Variants in MTSS1 observed in about 807,000 individuals in gnomAD.
The protein encoded by MTSS1 is protein MTSS 1.
In MTSS1, 18 loss-of-function variants were observed where a neutral mutation model predicts 79.0. The ratio of observed to expected loss-of-function variants is 0.23; its 90% CI spans 0.16 to 0.34. The LOEUF (loss-of-function observed/expected upper bound fraction) is 0.34, where lower values mean the gene tolerates loss of function less well. Ranked by LOEUF, MTSS1 falls within the 10% of genes least tolerant of loss-of-function variation. The probability of loss-of-function intolerance (pLI) is 1.00; values close to 1 mark genes in which losing one functional copy is unlikely to be tolerated. For missense variants in MTSS1, 815 were observed against 986.2 expected, an observed-to-expected ratio of 0.83 and a Z score of 2.33; for synonymous variants, 341 against 368.6, an observed-to-expected ratio of 0.93 and a Z score of 0.86.
intron 3 of MTSS1, among the ~76,000 whole-genome samples, chr8:124,622,568 G>T (rs747030273): frequency 6.6e-6 from 1 of 151,796 alleles, no homozygotes; most frequent in Non-Finnish European, 1.5e-5. Context: ...GCCAAGGCAG[G>T]CGGATCACTT....
rs1485244425 is a variant in MTSS1, at chr8:124,597,305, A to G, written c.209-6070T>C. On this transcript the variant is annotated intron_variant, in intron 3 of 13. Coordinates refer to ENST00000518547, the MANE Select transcript of MTSS1 (RefSeq NM_014751.6). The surrounding 1 kb of genome is among the most constrained non-coding windows in gnomAD (Gnocchi z 4.6). ...GGGCCACATTGCTGGTCAGCAGTAG[A>G]GCCAAAATCCAAGCCTGCTTCTACG... Among the ~76,000 whole-genome samples, 1 of 152,204 alleles carries G rather than the reference A, an allele frequency of 6.6e-6. No homozygotes were observed. Among genetic ancestry groups the G allele is most frequent in the Non-Finnish European group, 1.5e-5 (1 of 68,042 alleles).
At chr8:124,688,035 G>T (rs1166750654) in intron 3 of MTSS1, among the ~76,000 whole-genome samples, 1 of 152,138 alleles carries the variant, frequency 6.6e-6, no homozygotes, top group East Asian at 1.9e-4. Flanking sequence ...GGTAACCGAG[G>T]TCCCTGGGCC....
intron 1 of MTSS1, among the ~76,000 whole-genome samples, chr8:124,726,723 G>A (rs1003651139): frequency 6.6e-6 from 1 of 152,108 alleles, no homozygotes; most frequent in African/African-American, 2.4e-5. Context: ...CAGGCGCCCA[G>A]GCAGCGGCTG....
chr8:124,607,703 T>C (rs79769223), intron 3 of MTSS1, among the ~76,000 whole-genome samples: 3,304 of 152,056 alleles, frequency 0.022, 171 homozygotes, highest in East Asian at 0.14. Flanking sequence ...CCAAATCGAG[T>C]CTCAGGTCAA....
intron 3 of MTSS1, among the ~76,000 whole-genome samples, chr8:124,607,294 G>A (rs532983040): frequency 1.3e-5 from 2 of 152,314 alleles, no homozygotes; most frequent in South Asian, 4.1e-4. Flanking sequence ...AGGGATACAG[G>A]CCAGGGACAG....
intron 3 of MTSS1, among the ~76,000 whole-genome samples, chr8:124,603,914 A>G (rs1169738877): frequency 6.6e-6 from 1 of 152,182 alleles, no homozygotes; most frequent in East Asian, 1.9e-4. Context: ...ACATGGAAGA[A>G]TTGTCTTGGG....
intron 6 of MTSS1, among the ~76,000 whole-genome samples, chr8:124,573,289 T>C (rs369275895): frequency 1.4e-4 from 22 of 152,224 alleles, no homozygotes; most frequent in African/African-American, 5.1e-4. Flanking sequence ...CCTAACACCT[T>C]TTATCCTACA....
chr8:124,707,018 A>G (rs1266493533), intron 1 of MTSS1, among the ~76,000 whole-genome samples: 2 of 151,818 alleles, frequency 1.3e-5, no homozygotes, highest in African/African-American at 4.8e-5. Context: ...ACCAACCAAT[A>G]GCAGCTTCGT....
At chr8:124,624,219 T>C (rs1269844697) in intron 3 of MTSS1, among the ~76,000 whole-genome samples, 2 of 152,160 alleles carry the variant, frequency 1.3e-5, no homozygotes, top group Non-Finnish European at 2.9e-5. Flanking sequence ...TGGACCATAG[T>C]CTGGAGGAGA....
At position 124,565,369 on chromosome 8, in the gene MTSS1, A is replaced by T. The variant is rs538588572; in HGVS notation, c.824+293T>A. On this transcript the variant is annotated intron_variant, in intron 9 of 13. Transcript: ENST00000518547. ...GGCCTTAGAAGGTTTTCACTCTGCT[A>T]AACAGGAAAATCAAATGTGATCTCA... Among the ~76,000 whole-genome samples the T allele has an allele frequency of 3.3e-5, 5 of 152,352 alleles. No individual in the cohort carries two copies. The South Asian group carries it at 6.2e-4, about 19-fold the overall frequency.
In MTSS1 at chr8:124,568,284, A is replaced by C. The variant is rs934362642; in HGVS notation, c.618+95T>G. ...TACCACCATCATGATTCCTGACAGT[A>C]GATTCTCCATGACTCAACAGTGGAT... On this transcript the variant is annotated intron_variant, in intron 7 of 13. Coordinates refer to ENST00000518547, the MANE Select transcript of MTSS1 (RefSeq NM_014751.6). 2.1e-6 allele frequency: 3 copies of C among 1,398,266 alleles called. No homozygotes were observed. The African/African-American group carries it at 4.3e-5, about 20-fold the overall frequency. The allele number at this position is 1,398,266 out of a possible 1,614,324, so 86.6% of individuals were successfully genotyped here.
chr8:124,666,800 T>C lies in MTSS1; in HGVS notation c.208+32726A>G, dbSNP rs79050132. On this transcript the variant is annotated intron_variant, in intron 3 of 13. Coordinates refer to ENST00000518547, the MANE Select transcript of MTSS1 (RefSeq NM_014751.6). ...ACCAGTTGGCAGATAGTGAGCTTTA[T>C]CATGTGACCATTAATGGGGGTCCTG... Among the ~76,000 whole-genome samples the C allele has an allele frequency of 7.6e-4, 116 of 152,236 alleles. 5 individuals carry two copies. In the East Asian group the frequency reaches 0.019, roughly 25 times the overall value.
At chr8:124,648,245 G>T (rs1819330158) in intron 3 of MTSS1, among the ~76,000 whole-genome samples, 1 of 152,156 alleles carries the variant, frequency 6.6e-6, no homozygotes, top group Non-Finnish European at 1.5e-5. Context: ...GAGTGATCCG[G>T]TGAAAGGGTT....
chr8:124,670,816 A>G (rs1018505575), intron 3 of MTSS1, among the ~76,000 whole-genome samples: 2 of 152,184 alleles, frequency 1.3e-5, no homozygotes, highest in Non-Finnish European at 2.9e-5. Flanking sequence ...GAGACCGCAG[A>G]TTAAAAGAGG....
Position 124,555,733 on chromosome 8 carries a change from G to A in MTSS1, c.1567+9C>T, listed in dbSNP as rs1823528036. ...AAAGCCTAAGTGCACACCCCAGGCT[G>A]CCTCGTACCTTGGGAAGGGATGGTG... On this transcript the variant is annotated intron_variant, in intron 13 of 13. Transcript: ENST00000518547. The A allele has an allele frequency of 6.2e-7, 1 of 1,601,020 alleles. No individual in the cohort carries two copies. Among genetic ancestry groups the A allele is most frequent in the Non-Finnish European group, 8.5e-7 (1 of 1,173,652 alleles).
chr8:124,612,406 C>A (rs572878794), intron 3 of MTSS1, among the ~76,000 whole-genome samples: 1 of 152,288 alleles, frequency 6.6e-6, no homozygotes, highest in South Asian at 2.1e-4. Flanking sequence ...GATTTGCATT[C>A]ACATAACTGA....
chr8:124,721,140 TC>T (rs1213733320), intron 1 of MTSS1, among the ~76,000 whole-genome samples: 7 of 152,152 alleles, frequency 4.6e-5, no homozygotes, highest in Non-Finnish European at 1.0e-4. Flanking sequence ...CTGCAACTGT[TC>T]CGTACGGTAG....
chr8:124,559,938 T>C (rs78402756), intron 10 of MTSS1, among the ~76,000 whole-genome samples: 12,091 of 152,284 alleles, frequency 0.079, 631 homozygotes, highest in Non-Finnish European at 0.11. Flanking sequence ...CAGAATCATA[T>C]TTCTGTCCCT....
intron 3 of MTSS1, among the ~76,000 whole-genome samples, chr8:124,681,862 G>T (rs962824968): frequency 6.6e-6 from 1 of 152,192 alleles, no homozygotes. Context: ...CCAGAGCATA[G>T]TGCCTGACAC....
Sources: allele counts gnomAD v4.1 joint callset (sites outside exome capture counted in the v4.1 genomes callset), GRCh38; gene constraint gnomAD v4.1.1; non-coding constraint Gnocchi (gnomAD v3.1); transcripts MANE v1.5; gene names NCBI Gene and HGNC (gene_info 2026-07-23, HGNC 2026-07-21).